Variants in AXL observed in about 807,000 individuals in gnomAD.
AXL encodes the protein tyrosine-protein kinase receptor UFO.
A neutral mutation model predicts 104.5 loss-of-function variants in AXL; 52 were observed. That is an observed-to-expected ratio of 0.50 (90% CI 0.40 to 0.63). The LOEUF is 0.63. Among genes scored for constraint, AXL ranks in the 20% least tolerant of loss-of-function variants. The probability of loss-of-function intolerance (pLI) is 0.00; values close to 1 mark genes in which losing one functional copy is unlikely to be tolerated. For synonymous variants in AXL, 455 were observed against 473.7 expected (o/e 0.96, Z 0.51); for missense variants, 1,024 against 1,188.5 (o/e 0.86, Z 2.04).
At chr19:41,247,569 TA>T (rs1401867886) in intron 12 of AXL, among the ~76,000 whole-genome samples, 1 of 152,142 alleles carries the variant, frequency 6.6e-6, no homozygotes, top group African/African-American at 2.4e-5. Context: ...TATACTTCAA[TA>T]AAAAGAAATA....
intron 17 of AXL, among the ~76,000 whole-genome samples, chr19:41,254,894 A>C (rs958365823): frequency 8.5e-5 from 13 of 152,240 alleles, no homozygotes; most frequent in Admixed American, 8.5e-4. Flanking sequence ...TGCCTGGGCA[A>C]CAGGGCAAGA....
chr19:41,256,476 T>C lies in AXL; in HGVS notation c.2061T>C (p.Cys687=). The change falls in exon 18 of 20, where the codon TGT becomes TGC. Residue 687 remains cysteine (C), a synonymous_variant. Coordinates refer to ENST00000301178, the MANE Select transcript of AXL (RefSeq NM_021913.5). ...GGCTGAATGAGAACATGTCCGTGTG[T>C]GTGGCGGACTTCGGGCTCTCCAAGA... ...NCMLNENMSV[C]VADFGLSKKI... The C allele has an allele frequency of 6.2e-7, 1 of 1,614,064 alleles. No homozygotes were observed. Among genetic ancestry groups the C allele is most frequent in the South Asian group, 1.1e-5 (1 of 91,082 alleles).
chr19:41,232,577 C>T (rs754459023), intron 6 of AXL, among the ~76,000 whole-genome samples: 4 of 151,522 alleles, frequency 2.6e-5, no homozygotes, highest in African/African-American at 9.7e-5. Flanking sequence ...GAGCCGAGAT[C>T]GTGCCATTGC....
At chr19:41,223,753 G>A (rs1291371079) in intron 4 of AXL, among the ~76,000 whole-genome samples, 2 of 152,054 alleles carry the variant, frequency 1.3e-5, no homozygotes, top group South Asian at 2.1e-4. Flanking sequence ...GTTGGGGATC[G>A]GGCATGAGTC....
At chr19:41,224,775 T>C (rs2033849548) in intron 4 of AXL, among the ~76,000 whole-genome samples, 1 of 150,318 alleles carries the variant, frequency 6.7e-6, no homozygotes, top group Non-Finnish European at 1.5e-5. Context: ...GGTGTATGAC[T>C]GTAGTCACAG....
chr19:41,240,071 GTAGATGGATGGGTGGA>G (rs1193196991), intron 10 of AXL, among the ~76,000 whole-genome samples: 1 of 151,614 alleles, frequency 6.6e-6, no homozygotes, highest in African/African-American at 2.4e-5. Context: ...AAATGGATGG[GTAGATGGATGGGTGGA>G]TGGATGGATG....
chr19:41,252,176 G>GAC (rs1312788306), intron 14 of AXL, among the ~76,000 whole-genome samples, 175 bp from the exon 15 acceptor site: 1 of 144,378 alleles, frequency 6.9e-6, no homozygotes, highest in African/African-American at 2.6e-5. Context: ...CACACACACA[G>GAC]ACACACACAC....
Position 41,259,615 on chromosome 19 carries a change from T to G in AXL, c.2396T>G (p.Leu799Arg), listed in dbSNP as rs781612340. Residue 799 changes from leucine to arginine, a missense_variant, in exon 20 of 20, where the codon CTG becomes CGG. This residue lies in a region of AXL where 523 missense variants were observed against 636.0 expected (regional missense o/e 0.82). Coordinates refer to ENST00000301178, the MANE Select transcript of AXL (RefSeq NM_021913.5). ...NPQDRPSFTE[L>R]REDLENTLKA... ...CAGGACCGGCCAAGTTTTACAGAGC[T>G]GCGGGAAGATTTGGAGAACACACTG... The G allele has an allele frequency of 6.2e-7, 1 of 1,613,866 alleles. No homozygotes were observed. Among genetic ancestry groups the G allele is most frequent in the Non-Finnish European group, 8.5e-7 (1 of 1,179,940 alleles).
Position 41,257,493 on chromosome 19 carries a change from T to C in AXL, c.2197T>C (p.Trp733Arg), listed in dbSNP as rs1049235924. Residue 733 changes from tryptophan to arginine, a missense_variant and splice_region_variant, in exon 19 of 20, where the codon TGG becomes CGG. Coordinates refer to ENST00000301178, the MANE Select transcript of AXL (RefSeq NM_021913.5). ...DRVYTSKSDV[W>R]SFGVTMWEIA... ...GTCTAATTCCCTCTGCCCCTCACAG[T>C]GGTCCTTCGGGGTGACAATGTGGGA... The C allele has an allele frequency of 1.9e-6, 3 of 1,614,100 alleles. No homozygotes were observed. Among genetic ancestry groups the C allele is most frequent in the Non-Finnish European group, 2.5e-6 (3 of 1,180,014 alleles).
At chr19:41,243,763 C>A in intron 12 of AXL, 56 bp downstream of exon 12, 1 of 1,495,310 alleles carries the variant, frequency 6.7e-7, no homozygotes, top group Non-Finnish European at 9.3e-7. Flanking sequence ...TGTAGAGAAT[C>A]TGGCCTGCTG....
At position 41,251,418 on chromosome 19, in the gene AXL, T is replaced by G. The variant is rs143395082; in HGVS notation, c.1712-933T>G. ...TTCTACTAAAAATACAAAAATTAGC[T>G]GGGCATGGTGGTGCATGCCTGTAAT... On this transcript the variant is annotated intron_variant, in intron 14 of 19. Coordinates refer to ENST00000301178, the MANE Select transcript of AXL (RefSeq NM_021913.5). 3.1e-3 allele frequency among the ~76,000 whole-genome samples: 470 copies of G among 151,928 alleles called. 9 individuals carry two copies. The highest frequency in any genetic ancestry group is 6.6e-3 in the East Asian group (34 of 5,148).
chr19:41,231,362 C>G lies in AXL; in HGVS notation c.783+64C>G. On this transcript the variant is annotated intron_variant, in intron 6 of 19. Coordinates refer to ENST00000301178, the MANE Select transcript of AXL (RefSeq NM_021913.5). ...TCCTTCCACCCACATCCACAACCCCCATCCTCTCCCTGGGAACCCACCACT... is the reference window on the plus strand; with the variant it reads ...TCCTTCCACCCACATCCACAACCCCGATCCTCTCCCTGGGAACCCACCACT... 2.1e-6 allele frequency: 3 copies of G among 1,426,318 alleles called. No individual in the cohort carries two copies. The South Asian group carries it at 3.8e-5, about 18-fold the overall frequency. 88.4% of individuals were successfully genotyped at this position (1,426,318 alleles called of 1,614,324 possible). A position where few individuals can be genotyped will look rare whatever the true frequency, so the allele number is the denominator to read the frequency against.
intron 12 of AXL, among the ~76,000 whole-genome samples, chr19:41,247,490 C>T (rs940206029): frequency 2.0e-4 from 30 of 151,168 alleles, no homozygotes; most frequent in African/African-American, 1.2e-4. Context: ...GCAACAGGAA[C>T]GAAACTCCAT....
In AXL at chr19:41,239,220, G is replaced by A. The variant is rs1301617816; in HGVS notation, c.1191G>A (p.Gly397=). The A allele has an allele frequency of 1.2e-6, 2 of 1,613,038 alleles. No homozygotes were observed. The highest frequency in any genetic ancestry group is 1.7e-6 in the Non-Finnish European group (2 of 1,179,492). The change falls in exon 9 of 20, where the codon GGG becomes GGA. Residue 397 remains glycine, a synonymous_variant. Transcript: ENST00000301178. ...TGACCCTGGAGCTGCAGGGGGACGG[G>A]TCTGTGTCCAATCTGACAGTGTGTG... ...QEVTLELQGD[G]SVSNLTVCVA...
intron 2 of AXL, 39 bp from the exon 3 acceptor site, chr19:41,221,107 T>C: frequency 6.3e-7 from 1 of 1,588,938 alleles, no homozygotes. Context: ...TGTCCAGCTC[T>C]GACCCTGAAC....
rs2122265217 is a variant in AXL at position 41,248,805 on chromosome 19, G to A, written c.1696G>A (p.Val566Met). 6.2e-7 allele frequency: 1 copy of A among 1,612,480 alleles called. No homozygotes were observed. Among genetic ancestry groups the A allele is most frequent in the Non-Finnish European group, 8.5e-7 (1 of 1,179,078 alleles). Reference sequence around the variant, plus strand: ...GGACGACTCCATCCTCAAGGTGGCTGTGAAGACGATGAAGAGTGAGTTACG... The same window carrying A: ...GGACGACTCCATCCTCAAGGTGGCTATGAAGACGATGAAGAGTGAGTTACG... ...NQDDSILKVA[V>M]KTMKIAICTR... The change falls in exon 14 of 20, where the codon GTG (valine) becomes ATG (methionine). Residue 566 changes from valine (V) to methionine (M), a missense_variant. By Grantham distance (21) the Val-to-Met change is conservative. Transcript: ENST00000301178.
At chr19:41,223,163 C>A (rs867399062) in intron 4 of AXL, among the ~76,000 whole-genome samples, 1 of 151,622 alleles carries the variant, frequency 6.6e-6, no homozygotes, top group Non-Finnish European at 1.5e-5. Context: ...GGCGTGGTGA[C>A]GGGCATCTGT....
chr19:41,222,565 G>C (rs867765986), intron 4 of AXL, among the ~76,000 whole-genome samples: 2 of 152,162 alleles, frequency 1.3e-5, no homozygotes, highest in Non-Finnish European at 2.9e-5. Flanking sequence ...TGTCCAGCCC[G>C]GTCCCCACTG....
chr19:41,222,125 C>T, intron 4 of AXL, 69 bp downstream of exon 4: 1 of 1,406,846 alleles, frequency 7.1e-7, no homozygotes, highest in Non-Finnish European at 9.4e-7. Flanking sequence ...AGCAAGGGAA[C>T]ATTGCTACCT....
Sources: allele counts gnomAD v4.1 joint callset (sites outside exome capture counted in the v4.1 genomes callset), GRCh38; gene constraint gnomAD v4.1.1; regional missense constraint gnomAD v4.1.1; transcripts MANE v1.5; gene names NCBI Gene and HGNC (gene_info 2026-07-23, HGNC 2026-07-21).